The following SPAG16 variants were observed in gnomAD, a reference collection of about 807,000 sequenced individuals.
The protein encoded by SPAG16 is sperm associated antigen 16, also known as sperm-associated antigen 16 protein.
Under a neutral mutation model 80.4 loss-of-function variants are expected in SPAG16, and 86 were observed. The observed-to-expected ratio is 1.07, with a 90% CI of 0.90 to 1.28. SPAG16 has a LOEUF of 1.28. Among genes scored for constraint, SPAG16 ranks in the 50% most tolerant of loss-of-function variants. The probability of loss-of-function intolerance (pLI) is 0.00; values close to 1 mark genes in which losing one functional copy is unlikely to be tolerated. For missense variants in SPAG16, 870 were observed against 765.3 expected, an observed-to-expected ratio of 1.14 and a Z score of -1.61; for synonymous variants, 294 against 265.9, an observed-to-expected ratio of 1.11 and a Z score of -1.03.
At chr2:213,981,979 A>G (rs1575724456) in intron 12 of SPAG16, among the ~76,000 whole-genome samples, 1 of 151,718 alleles carries the variant, frequency 6.6e-6, no homozygotes, top group South Asian at 2.1e-4. Context: ...TTCTGTTTGT[A>G]AGGAAAGTGT....
chr2:213,622,424 C>T (rs2061820178), intron 10 of SPAG16, among the ~76,000 whole-genome samples: 2 of 152,144 alleles, frequency 1.3e-5, no homozygotes, highest in African/African-American at 4.8e-5. Context: ...TCATTTCTTT[C>T]CTGCTGTATA....
At chr2:213,586,947 C>T (rs998064427) in intron 10 of SPAG16, among the ~76,000 whole-genome samples, 7 of 152,170 alleles carry the variant, frequency 4.6e-5, no homozygotes, top group Non-Finnish European at 8.8e-5. Flanking sequence ...AAGCCCCACC[C>T]TTGTAGTGTC....
intron 10 of SPAG16, among the ~76,000 whole-genome samples, chr2:213,765,940 C>T (rs1009243553): frequency 2.0e-5 from 3 of 152,164 alleles, no homozygotes; most frequent in African/African-American, 7.2e-5. Flanking sequence ...TAAACGAGAA[C>T]AGGCCAGAGT....
intron 11 of SPAG16, among the ~76,000 whole-genome samples, chr2:213,871,673 T>G (rs1314881083): frequency 6.6e-6 from 1 of 152,096 alleles, no homozygotes; most frequent in Admixed American, 6.6e-5. Flanking sequence ...AGATGTGTCC[T>G]AACATGCACA....
At chr2:214,316,816 T>C (rs1046825532) in intron 15 of SPAG16, among the ~76,000 whole-genome samples, 4 of 152,298 alleles carry the variant, frequency 2.6e-5, no homozygotes, top group African/African-American at 7.2e-5. Flanking sequence ...GCAGCTGATA[T>C]ACTGCCCCCA....
chr2:213,937,387 A>G (rs1159062877), intron 12 of SPAG16, among the ~76,000 whole-genome samples: 3 of 152,024 alleles, frequency 2.0e-5, no homozygotes, highest in Non-Finnish European at 4.4e-5. Context: ...GTATATATTA[A>G]TAGACTGCCA....
chr2:214,045,240 C>T (rs1480062439), intron 13 of SPAG16, among the ~76,000 whole-genome samples: 1 of 152,138 alleles, frequency 6.6e-6, no homozygotes, highest in Admixed American at 6.5e-5. Context: ...GTTGTGAGAC[C>T]TCCTTTCCAG....
chr2:214,245,869 C>T (rs1315119816), intron 15 of SPAG16, among the ~76,000 whole-genome samples: 3 of 152,084 alleles, frequency 2.0e-5, no homozygotes, highest in African/African-American at 7.2e-5. Flanking sequence ...CAAATATTCC[C>T]TAGTACACTT....
At chr2:213,914,973 G>A (rs1479119765) in intron 11 of SPAG16, among the ~76,000 whole-genome samples, 2 of 152,064 alleles carry the variant, frequency 1.3e-5, no homozygotes, top group African/African-American at 4.8e-5. Flanking sequence ...AGAAATACCC[G>A]AGACTAGGTA....
chr2:213,858,035 T>TA, intron 10 of SPAG16, among the ~76,000 whole-genome samples: 1 of 152,324 alleles, frequency 6.6e-6, no homozygotes, highest in Admixed American at 6.5e-5. Context: ...CTTGAATGGA[T>TA]AAAGAGTTGC....
intron 9 of SPAG16, among the ~76,000 whole-genome samples, chr2:213,439,224 T>C (rs1330501936): frequency 2.6e-5 from 4 of 152,216 alleles, no homozygotes; most frequent in African/African-American, 9.7e-5. Context: ...CTCAGTAACA[T>C]AAAATTGACA....
At chr2:214,266,230 A>G in intron 15 of SPAG16, among the ~76,000 whole-genome samples, 1 of 151,922 alleles carries the variant, frequency 6.6e-6, no homozygotes, top group Non-Finnish European at 1.5e-5. Context: ...TTCAAACAAA[A>G]GTATTACTAT....
chr2:214,156,542 G>A (rs1576370798), intron 15 of SPAG16, among the ~76,000 whole-genome samples: 1 of 152,294 alleles, frequency 6.6e-6, no homozygotes, highest in East Asian at 1.9e-4. Context: ...TACTTTGGGA[G>A]GTTGAGGAGA....
chr2:214,189,745 C>T (rs912824743), intron 15 of SPAG16, among the ~76,000 whole-genome samples: 3 of 151,736 alleles, frequency 2.0e-5, no homozygotes, highest in African/African-American at 7.3e-5. Flanking sequence ...TTAAGAGGTG[C>T]TTTTAAAAAA....
At chr2:213,348,633 A>G (rs1000951381) in intron 6 of SPAG16, among the ~76,000 whole-genome samples, 8 of 152,114 alleles carry the variant, frequency 5.3e-5, no homozygotes, top group African/African-American at 1.9e-4. Context: ...TCCTTCACTT[A>G]TGAAGGTTAG....
At chr2:214,284,611 G>A (rs73084945) in intron 15 of SPAG16, among the ~76,000 whole-genome samples, 2,158 of 152,144 alleles carry the variant, frequency 0.014, 41 homozygotes, top group African/African-American at 0.042. Context: ...AGGTCTTTGC[G>A]CAGTACTCTG....
intron 13 of SPAG16, among the ~76,000 whole-genome samples, chr2:214,107,863 G>A (rs992793849): frequency 5.9e-5 from 9 of 152,124 alleles, no homozygotes; most frequent in Non-Finnish European, 1.3e-4. Context: ...TTTCTAATAA[G>A]GGAGTTCTTA....
chr2:213,890,470 C>T (rs956738697), intron 11 of SPAG16, among the ~76,000 whole-genome samples: 1 of 152,014 alleles, frequency 6.6e-6, no homozygotes, highest in African/African-American at 2.4e-5. Context: ...TATTATAAAA[C>T]TGAGAAGTCT....
At chr2:213,527,049 C>T (rs1050312773) in intron 10 of SPAG16, among the ~76,000 whole-genome samples, 1 of 152,158 alleles carries the variant, frequency 6.6e-6, no homozygotes, top group African/African-American at 2.4e-5. Flanking sequence ...TGATTCTCAC[C>T]CTTCCTCTCA....
Sources: gnomAD v4.1 joint callset for allele counts (sites outside exome capture counted in the v4.1 genomes callset) on GRCh38, gnomAD v4.1.1 for gene constraint, MANE v1.5 for transcripts, NCBI Gene and HGNC (gene_info 2026-07-23, HGNC 2026-07-21) for gene names.